The following DPYSL2 variants were observed in gnomAD, a reference collection of about 807,000 sequenced individuals.
The protein encoded by DPYSL2 is dihydropyrimidinase like 2.
DPYSL2 carries 13 observed loss-of-function variants against 69.9 expected under a neutral mutation model. The ratio of observed to expected loss-of-function variants is 0.19; its 90% CI spans 0.12 to 0.30. The LOEUF (loss-of-function observed/expected upper bound fraction) is 0.30, where lower values mean the gene tolerates loss of function less well. Among genes scored for constraint, DPYSL2 ranks in the 10% least tolerant of loss-of-function variants. The pLI, the probability that DPYSL2 is intolerant of heterozygous loss-of-function variation, is 1.00. For synonymous variants in DPYSL2, 326 were observed against 359.1 expected (o/e 0.91, Z 1.04); for missense variants, 587 against 918.9 (o/e 0.64, Z 4.67).
At chr8:26,603,061 C>G (rs1802027819) in intron 3 of DPYSL2, among the ~76,000 whole-genome samples, 1 of 152,180 alleles carries the variant, frequency 6.6e-6, no homozygotes, top group African/African-American at 2.4e-5. Context: ...AATTTAGACT[C>G]CGGATTTGAC....
At chr8:26,559,255 A>C (rs189125780) in intron 1 of DPYSL2, among the ~76,000 whole-genome samples, 42 of 152,298 alleles carry the variant, frequency 2.8e-4, no homozygotes, top group Non-Finnish European at 4.3e-4. Flanking sequence ...AACTATTTCT[A>C]GTAGTGCTAT....
At chr8:26,649,636 T>C (rs184670657) in intron 11 of DPYSL2, among the ~76,000 whole-genome samples, 1 of 152,234 alleles carries the variant, frequency 6.6e-6, no homozygotes, top group East Asian at 1.9e-4. Flanking sequence ...CAGGAGACTT[T>C]CCCTGCATAG....
At chr8:26,532,648 T>G (rs569477679) in intron 1 of DPYSL2, among the ~76,000 whole-genome samples, 5 of 152,326 alleles carry the variant, frequency 3.3e-5, no homozygotes, top group African/African-American at 1.2e-4. Flanking sequence ...ACTGGCTTCT[T>G]TCTCTCAGCA....
intron 3 of DPYSL2, among the ~76,000 whole-genome samples, chr8:26,622,989 C>G (rs769362009): frequency 6.6e-6 from 1 of 152,134 alleles, no homozygotes; most frequent in African/African-American, 2.4e-5. Flanking sequence ...TCTATTGTTG[C>G]ACAAGTTTGA....
chr8:26,614,400 G>C lies in DPYSL2; in HGVS notation c.629-9743G>C, dbSNP rs552734206. Among the ~76,000 whole-genome samples, 6 of 152,262 alleles carry C rather than the reference G, an allele frequency of 3.9e-5. No homozygotes were observed. In the East Asian group the frequency reaches 1.2e-3, roughly 29 times the overall value. On this transcript the variant is annotated intron_variant, in intron 3 of 13. Transcript: ENST00000521913. This position sits in a 1 kb window ranked among gnomAD's most constrained non-coding sequence, Gnocchi z 4.9. ...CCTCCATAGCTCGATGAGAAGAGAG[G>C]GGTGGGGACAGGCGGTAGCTGGAGG...
intron 3 of DPYSL2, among the ~76,000 whole-genome samples, chr8:26,606,851 G>A (rs35219984): frequency 0.2 from 30,552 of 152,078 alleles, 3,279 homozygotes; most frequent in African/African-American, 0.27. Flanking sequence ...TCTGAGGGGG[G>A]AAGAATAAAG....
intron 7 of DPYSL2, among the ~76,000 whole-genome samples, chr8:26,631,308 G>C (rs1802766273): frequency 6.6e-6 from 1 of 152,198 alleles, no homozygotes; most frequent in Admixed American, 6.5e-5. Context: ...CATGGTGGAA[G>C]GTGAAGGGGA....
At chr8:26,530,567 G>A (rs186866362) in intron 1 of DPYSL2, among the ~76,000 whole-genome samples, 6 of 152,102 alleles carry the variant, frequency 3.9e-5, no homozygotes, top group Admixed American at 3.9e-4. Context: ...ACTCTGGACT[G>A]TTTTTAGGAC....
Position 26,644,062 on chromosome 8 carries a change from C to T in DPYSL2, c.1396C>T (p.Arg466Trp). Residue 466 changes from arginine (R) to tryptophan (W), a missense_variant, in exon 10 of 14, where the codon CGG becomes TGG. By Grantham distance (101) the Arg-to-Trp change is moderately radical (BLOSUM62 -3). Coordinates refer to ENST00000521913, the MANE Select transcript of DPYSL2 (RefSeq NM_001197293.3). The surrounding 1 kb of genome is among the most constrained non-coding windows in gnomAD (Gnocchi z 4.5). Reference sequence around the variant, plus strand: ...GGAGGGCACCAATGGCACTGAGGAGCGGATGTCCGTCATCTGGGACAAGGC... The same window carrying T: ...GGAGGGCACCAATGGCACTGAGGAGTGGATGTCCGTCATCTGGGACAAGGC... ...IPEGTNGTEE[R>W]MSVIWDKAVV... The T allele has an allele frequency of 6.2e-7, 1 of 1,614,168 alleles. No homozygotes were observed. The highest frequency in any genetic ancestry group is 8.5e-7 in the Non-Finnish European group (1 of 1,180,022).
In DPYSL2 at chr8:26,624,435, G is replaced by A; in HGVS notation, c.793+128G>A. 8.0e-7 allele frequency: 1 copy of A among 1,250,746 alleles called. No homozygotes were observed. The highest frequency in any genetic ancestry group is 1.1e-6 in the Non-Finnish European group (1 of 898,322). 77.5% of individuals were successfully genotyped at this position (1,250,746 alleles called of 1,614,324 possible). On this transcript the variant is annotated intron_variant, in intron 4 of 13. Coordinates refer to ENST00000521913, the MANE Select transcript of DPYSL2 (RefSeq NM_001197293.3). This position sits in a 1 kb window ranked among gnomAD's most constrained non-coding sequence, Gnocchi z 4.7. ...TGCCTCATGCCCATGCCTGCCCCTG[G>A]GAAGGAGAGAGGGCTTTGGGCCGCA...
intron 1 of DPYSL2, among the ~76,000 whole-genome samples, chr8:26,529,728 AT>A (rs71216757): frequency 0.38 from 51,872 of 135,380 alleles, 11,274 homozygotes; most frequent in East Asian, 0.65. Flanking sequence ...TTTAACCGTA[AT>A]TTTTTTTTTT....
chr8:26,650,075 C>T lies in DPYSL2; in HGVS notation c.1597-2182C>T, dbSNP rs1803251324. On this transcript the variant is annotated intron_variant, in intron 11 of 13. Coordinates refer to ENST00000521913, the MANE Select transcript of DPYSL2 (RefSeq NM_001197293.3). The surrounding 1 kb of genome is among the most constrained non-coding windows in gnomAD (Gnocchi z 5.3). ...TAGCAAAGTGCAATAAAGAGCCAGA[C>T]AGTGAATGAGTGAAGATTTTCTAAA... Among the ~76,000 whole-genome samples, 1 of 152,176 alleles carries T rather than the reference C, an allele frequency of 6.6e-6. No individual in the cohort carries two copies. Among genetic ancestry groups the T allele is most frequent in the South Asian group, 2.1e-4 (1 of 4,834 alleles).
In DPYSL2 at chr8:26,643,830, G is replaced by A. The variant is rs1803104735; in HGVS notation, c.1284-120G>A. Reference sequence around the variant, plus strand: ...AAGTCAAGCCAAGAAGGGAGAGGAGGCGTCAAAAGGACTCCACTTGGGTTG... The same window carrying A: ...AAGTCAAGCCAAGAAGGGAGAGGAGACGTCAAAAGGACTCCACTTGGGTTG... On this transcript the variant is annotated intron_variant, in intron 9 of 13. Coordinates refer to ENST00000521913, the MANE Select transcript of DPYSL2 (RefSeq NM_001197293.3). The surrounding 1 kb of genome is among the most constrained non-coding windows in gnomAD (Gnocchi z 6.5). The A allele has an allele frequency of 7.4e-7, 1 of 1,348,218 alleles. No individual in the cohort carries two copies. Among genetic ancestry groups the A allele is most frequent in the African/African-American group, 1.5e-5 (1 of 68,560 alleles). The allele number at this position is 1,348,218 out of a possible 1,614,324, so 83.5% of individuals were successfully genotyped here.
chr8:26,553,769 T>C (rs1800903681), intron 1 of DPYSL2, among the ~76,000 whole-genome samples: 1 of 152,132 alleles, frequency 6.6e-6, no homozygotes, highest in African/African-American at 2.4e-5. Context: ...CGAATGGTAG[T>C]TCTATTTTTA....
chr8:26,522,429 C>A (rs1047270831), intron 1 of DPYSL2, among the ~76,000 whole-genome samples: 1 of 152,234 alleles, frequency 6.6e-6, no homozygotes, highest in African/African-American at 2.4e-5. Context: ...CTTCCACACT[C>A]TTTTCTGTAG....
In DPYSL2 at chr8:26,657,678, T is replaced by C. The variant is rs1226687935; in HGVS notation, c.*1972T>C. On this transcript the variant is annotated 3_prime_UTR_variant, in exon 14 of 14. Coordinates refer to ENST00000521913, the MANE Select transcript of DPYSL2 (RefSeq NM_001197293.3). ...GGAAAAAAACAATTTTTGTTTCAAT[T>C]CTAAGAAACACTTGCAGCTCTAGTA... 1 of 152,672 alleles carries C rather than the reference T, an allele frequency of 6.5e-6. No homozygotes were observed. The highest frequency in any genetic ancestry group is 1.5e-5 in the Non-Finnish European group (1 of 68,052). 9.5% of individuals were successfully genotyped at this position (152,672 alleles called of 1,614,324 possible). A position where few individuals can be genotyped will look rare whatever the true frequency, so the allele number is the denominator to read the frequency against.
chr8:26,596,300 G>A (rs776107414), intron 3 of DPYSL2, among the ~76,000 whole-genome samples: 18 of 152,228 alleles, frequency 1.2e-4, no homozygotes, highest in Non-Finnish European at 2.2e-4. Flanking sequence ...TGAACGTTTA[G>A]GTTCTTGTCC....
At chr8:26,568,157 A>C (rs548183370) in intron 1 of DPYSL2, among the ~76,000 whole-genome samples, 1 of 152,206 alleles carries the variant, frequency 6.6e-6, no homozygotes, top group African/African-American at 2.4e-5. Context: ...GATAGGAAGA[A>C]TTCTGTCTGG....
At position 26,652,362 on chromosome 8, in the gene DPYSL2, G is replaced by A. The variant is rs1394700763; in HGVS notation, c.1702G>A (p.Glu568Lys). The stretch of plus-strand genomic sequence containing the variant: ...GGAGGACGGCACCCTGCATGTCACC[G>A]AAGGCTCTGGACGCTACATTCCCCG... ...VLEDGTLHVT[E>K]GSGRYIPRKP... Residue 568 changes from glutamate to lysine, a missense_variant, in exon 12 of 14, where the codon GAA (glutamate) becomes AAA (lysine). This residue lies in a region of DPYSL2 where 452 missense variants were observed against 754.3 expected (regional missense o/e 0.60). Coordinates refer to ENST00000521913, the MANE Select transcript of DPYSL2 (RefSeq NM_001197293.3). The surrounding 1 kb of genome is among the most constrained non-coding windows in gnomAD (Gnocchi z 6.3). The A allele has an allele frequency of 5.0e-6, 8 of 1,614,094 alleles. No individual in the cohort carries two copies. The highest frequency in any genetic ancestry group is 1.7e-5 in the Admixed American group (1 of 60,002).
Sources: allele counts gnomAD v4.1 joint callset (sites outside exome capture counted in the v4.1 genomes callset), GRCh38; gene constraint gnomAD v4.1.1; regional missense constraint gnomAD v4.1.1; non-coding constraint Gnocchi (gnomAD v3.1); transcripts MANE v1.5; gene names NCBI Gene and HGNC (gene_info 2026-07-23, HGNC 2026-07-21).